The following PRDM10 variants were observed in gnomAD, a reference collection of about 807,000 sequenced individuals.
PRDM10 encodes PR domain zinc finger protein 10.
A neutral mutation model predicts 133.1 loss-of-function variants in PRDM10; 65 were observed. That is an observed-to-expected ratio of 0.49 (90% CI 0.40 to 0.60). The LOEUF (loss-of-function observed/expected upper bound fraction) is 0.60, where lower values mean the gene tolerates loss of function less well. Among genes scored for constraint, PRDM10 ranks in the 20% least tolerant of loss-of-function variants. The probability of loss-of-function intolerance (pLI) is 0.00; values close to 1 mark genes in which losing one functional copy is unlikely to be tolerated. For missense variants in PRDM10, 1,137 were observed against 1,507.1 expected (o/e 0.75, Z 4.07); for synonymous variants, 582 against 580.4 (o/e 1.00, Z -0.04).
chr11:129,901,002 C>CTT lies in PRDM10; in HGVS notation c.*1309_*1310dup, dbSNP rs1032771383. On this transcript the variant is annotated 3_prime_UTR_variant, in exon 21 of 21. Coordinates refer to ENST00000360871, the MANE Select transcript of PRDM10 (RefSeq NM_199437.2). ...AACTTCATTTGAAATGAAGTAAGGTCTTTCTGTTCTGGAGTAATAAATTCT... is the reference window on the plus strand; with the variant it reads ...AACTTCATTTGAAATGAAGTAAGGTCTTTTTCTGTTCTGGAGTAATAAATTCT... 1 of 152,588 alleles carries CTT rather than the reference C, an allele frequency of 6.6e-6. No individual in the cohort carries two copies. Among genetic ancestry groups the CTT allele is most frequent in the Non-Finnish European group, 1.5e-5 (1 of 68,024 alleles). The allele number at this position is 152,588 out of a possible 1,614,324, so 9.5% of individuals were successfully genotyped here. A position where few individuals can be genotyped will look rare whatever the true frequency, so the allele number is the denominator to read the frequency against.
chr11:129,906,313 C>G (rs1031943952), intron 19 of PRDM10, among the ~76,000 whole-genome samples: 1 of 152,126 alleles, frequency 6.6e-6, no homozygotes, highest in Non-Finnish European at 1.5e-5. Flanking sequence ...GTCTTCCCAG[C>G]ACACAAGACG....
intron 13 of PRDM10, among the ~76,000 whole-genome samples, chr11:129,921,450 G>A (rs918569577): frequency 2.6e-5 from 4 of 152,182 alleles, no homozygotes; most frequent in Admixed American, 6.5e-5. Context: ...CTGAGCACAC[G>A]GGGAGGCAGG....
chr11:129,935,836 C>T (rs1348882318), intron 8 of PRDM10, among the ~76,000 whole-genome samples: 3 of 152,152 alleles, frequency 2.0e-5, no homozygotes, highest in African/African-American at 7.2e-5. Context: ...GGTCTTTGTC[C>T]CTAGTTGGTA....
intron 8 of PRDM10, among the ~76,000 whole-genome samples, chr11:129,936,392 G>A (rs1013748543): frequency 1.3e-5 from 2 of 152,012 alleles, no homozygotes; most frequent in Non-Finnish European, 2.9e-5. Context: ...AGTGGCTCAC[G>A]CCTATAATCC....
chr11:129,990,195 A>G (rs1473463302), intron 1 of PRDM10, among the ~76,000 whole-genome samples: 1 of 151,934 alleles, frequency 6.6e-6, no homozygotes, highest in African/African-American at 2.4e-5. Flanking sequence ...AATCCAAAAA[A>G]TTAGCCAGGC....
chr11:129,947,433 C>G lies in PRDM10; in HGVS notation c.295-63G>C. 6.2e-7 allele frequency: 1 copy of G among 1,602,824 alleles called. No homozygotes were observed. The highest frequency in any genetic ancestry group is 1.3e-5 in the African/African-American group (1 of 74,804). On this transcript the variant is annotated intron_variant, in intron 4 of 20. Coordinates refer to ENST00000360871, the MANE Select transcript of PRDM10 (RefSeq NM_199437.2). The surrounding 1 kb of genome is among the most constrained non-coding windows in gnomAD (Gnocchi z 4.6). ...GACACCTGCTTTTGGTTCGCTGGTG[C>G]CTGCTGGCACAAACAGGGCGCAAGG...
chr11:129,954,266 A>T (rs7938547), intron 4 of PRDM10, among the ~76,000 whole-genome samples: 92 of 96,084 alleles, frequency 9.6e-4, no homozygotes, highest in East Asian at 3.9e-3. Flanking sequence ...TAATTTATTT[A>T]TTTTTTTTTT....
intron 11 of PRDM10, among the ~76,000 whole-genome samples, chr11:129,926,916 T>C (rs1462835767): frequency 1.3e-5 from 2 of 152,080 alleles, no homozygotes; most frequent in African/African-American, 4.8e-5. Context: ...TAAGAATAGG[T>C]CTTTCTTGGC....
intron 3 of PRDM10, among the ~76,000 whole-genome samples, chr11:129,955,979 C>T (rs1008422620): frequency 6.6e-6 from 1 of 152,154 alleles, no homozygotes; most frequent in Admixed American, 6.5e-5. Context: ...TGGAGATAGA[C>T]AGGCATCTAG....
At chr11:129,995,228 G>C (rs1253529087) in intron 1 of PRDM10, among the ~76,000 whole-genome samples, 8 of 152,190 alleles carry the variant, frequency 5.3e-5, no homozygotes, top group Admixed American at 2.6e-4. Context: ...GAATGAAGGA[G>C]AAGATGAATA....
rs1314516067 is a variant in PRDM10 at position 129,900,184 on chromosome 11, G to T, written c.*2129C>A. On this transcript the variant is annotated 3_prime_UTR_variant, in exon 21 of 21. Coordinates refer to ENST00000360871, the MANE Select transcript of PRDM10 (RefSeq NM_199437.2). The stretch of plus-strand genomic sequence containing the variant: ...TAAGTTTTCTGATGGCTCATCATTT[G>T]CCATCTCTTCAAATCCAGGTCCTTT... The T allele has an allele frequency of 6.6e-6, 1 of 152,172 alleles. No individual in the cohort carries two copies. Among genetic ancestry groups the T allele is most frequent in the African/African-American group, 2.4e-5 (1 of 41,434 alleles). The allele number at this position is 152,172 out of a possible 1,614,324, so 9.4% of individuals were successfully genotyped here.
intron 19 of PRDM10, among the ~76,000 whole-genome samples, chr11:129,909,152 T>G (rs11221894): frequency 0.072 from 10,957 of 151,834 alleles, 831 homozygotes; most frequent in East Asian, 0.4. Context: ...GTCCAATGTT[T>G]AAGAGTATAG....
intron 7 of PRDM10, among the ~76,000 whole-genome samples, chr11:129,937,872 G>A (rs550350127): frequency 1.3e-5 from 2 of 152,308 alleles, no homozygotes; most frequent in South Asian, 2.1e-4. Context: ...AAGACGCACT[G>A]CCTGTTTTCT....
Position 129,957,837 on chromosome 11 carries a change from T to G in PRDM10, c.143A>C (p.Gln48Pro). Reference sequence around the variant, plus strand: ...GGCACCATCTGCCGTGTACACCACCTGCTGTGGGGGGCGAACCTGGTCATC... The same window carrying G: ...GGCACCATCTGCCGTGTACACCACCGGCTGTGGGGGGCGAACCTGGTCATC... Reference protein sequence around the residue: ...YTDDQVRPPQQVVYTADGASY... With the variant: ...YTDDQVRPPQPVVYTADGASY... The change falls in exon 3 of 21, where the codon CAG (glutamine) becomes CCG (proline). Residue 48 changes from glutamine to proline, a missense_variant. Physicochemically the swap from Gln to Pro is moderately conservative, Grantham distance 76 (BLOSUM62 -1). Coordinates refer to ENST00000360871, the MANE Select transcript of PRDM10 (RefSeq NM_199437.2). 1.9e-6 allele frequency: 3 copies of G among 1,614,218 alleles called. No individual in the cohort carries two copies. Among genetic ancestry groups the G allele is most frequent in the Non-Finnish European group, 2.5e-6 (3 of 1,180,026 alleles).
At chr11:129,961,529 C>T (rs570638831) in intron 1 of PRDM10, among the ~76,000 whole-genome samples, 1 of 150,384 alleles carries the variant, frequency 6.6e-6, no homozygotes, top group South Asian at 2.2e-4. Flanking sequence ...TGGTCTCAAA[C>T]TCCTGAGCTC....
intron 7 of PRDM10, among the ~76,000 whole-genome samples, chr11:129,941,631 A>T (rs1951210110): frequency 6.6e-6 from 1 of 152,212 alleles, no homozygotes; most frequent in Non-Finnish European, 1.5e-5. Flanking sequence ...GTTCAAGTAG[A>T]AATCGTCTGA....
At chr11:129,975,681 C>T (rs1483658580) in intron 1 of PRDM10, among the ~76,000 whole-genome samples, 1 of 152,114 alleles carries the variant, frequency 6.6e-6, no homozygotes, top group Non-Finnish European at 1.5e-5. Flanking sequence ...CCTTCCTCTG[C>T]CCAGCCACAC....
rs776208700 is a variant in PRDM10, at chr11:129,947,435, T to C, written c.295-65A>G. ...CACCTGCTTTTGGTTCGCTGGTGCC[T>C]GCTGGCACAAACAGGGCGCAAGGGC... is the stretch of plus-strand genomic sequence containing the variant. On this transcript the variant is annotated intron_variant, in intron 4 of 20. Coordinates refer to ENST00000360871, the MANE Select transcript of PRDM10 (RefSeq NM_199437.2). The surrounding 1 kb of genome is among the most constrained non-coding windows in gnomAD (Gnocchi z 4.6). 3.1e-6 allele frequency: 5 copies of C among 1,602,846 alleles called. No homozygotes were observed. The highest frequency in any genetic ancestry group is 1.7e-4 in the Middle Eastern group (1 of 6,020).
intron 1 of PRDM10, among the ~76,000 whole-genome samples, chr11:129,981,397 T>C: frequency 6.6e-6 from 1 of 152,192 alleles, no homozygotes; most frequent in Non-Finnish European, 1.5e-5. Context: ...ATCTATCATA[T>C]ATAAACACAA....
Sources: gnomAD v4.1 joint callset for allele counts (sites outside exome capture counted in the v4.1 genomes callset) on GRCh38, gnomAD v4.1.1 for gene constraint, Gnocchi (gnomAD v3.1) non-coding constraint, MANE v1.5 for transcripts, NCBI Gene and HGNC (gene_info 2026-07-23, HGNC 2026-07-21) for gene names.